Variants in NR1H4 observed in about 807,000 individuals in gnomAD.
NR1H4 encodes nuclear receptor subfamily 1 group H member 4.
Under a neutral mutation model 58.5 loss-of-function variants are expected in NR1H4, and 23 were observed. The observed-to-expected ratio is 0.39, with a 90% CI of 0.28 to 0.56. The LOEUF (loss-of-function observed/expected upper bound fraction) is 0.56, where lower values mean the gene tolerates loss of function less well. Ranked by LOEUF, NR1H4 falls within the 20% of genes least tolerant of loss-of-function variation. The pLI is 0.58. For synonymous variants in NR1H4, 214 were observed against 198.0 expected (o/e 1.08, Z -0.68); for missense variants, 487 against 576.9 (o/e 0.84, Z 1.60).
At chr12:100,527,271 T>C (rs924949064) in intron 4 of NR1H4, among the ~76,000 whole-genome samples, 8 of 152,234 alleles carry the variant, frequency 5.3e-5, no homozygotes, top group African/African-American at 1.9e-4. Context: ...CTCATGCCTG[T>C]AATCCCAACA....
chr12:100,494,981 G>A (rs1361465402), intron 3 of NR1H4, among the ~76,000 whole-genome samples: 1 of 152,136 alleles, frequency 6.6e-6, no homozygotes, highest in Non-Finnish European at 1.5e-5. Flanking sequence ...TTCCTTACAA[G>A]CTAGCCCAAT....
chr12:100,541,668 T>C (rs1202080126), intron 9 of NR1H4, among the ~76,000 whole-genome samples: 2 of 151,922 alleles, frequency 1.3e-5, no homozygotes, highest in Non-Finnish European at 2.9e-5. Flanking sequence ...TGGCATGCTC[T>C]TGGCTCACCA....
At chr12:100,524,221 T>A (rs2136206488) in intron 4 of NR1H4, among the ~76,000 whole-genome samples, 1 of 152,282 alleles carries the variant, frequency 6.6e-6, no homozygotes, top group South Asian at 2.1e-4. Flanking sequence ...GTTATAAATC[T>A]ACACTCAAGA....
At chr12:100,509,659 G>T (rs1954055582) in intron 3 of NR1H4, among the ~76,000 whole-genome samples, 1 of 152,196 alleles carries the variant, frequency 6.6e-6, no homozygotes, top group Non-Finnish European at 1.5e-5. Context: ...CACACAGATT[G>T]TAAGTAACAG....
At chr12:100,486,258 T>C (rs1193544677) in intron 1 of NR1H4, among the ~76,000 whole-genome samples, 1 of 152,234 alleles carries the variant, frequency 6.6e-6, no homozygotes, top group Non-Finnish European at 1.5e-5. Flanking sequence ...TATTTCTGCA[T>C]ATGTAAAACA....
chr12:100,537,330 A>G (rs1204119660), intron 8 of NR1H4, among the ~76,000 whole-genome samples: 2 of 152,244 alleles, frequency 1.3e-5, no homozygotes, highest in Admixed American at 6.5e-5. Flanking sequence ...GACATAAGAT[A>G]TTAGAACTAG....
In NR1H4 at chr12:100,532,549, T is replaced by C; in HGVS notation, c.537T>C (p.Cys179=). The C allele has an allele frequency of 6.2e-7, 1 of 1,614,158 alleles. No individual in the cohort carries two copies. Among genetic ancestry groups the C allele is most frequent in the Non-Finnish European group, 8.5e-7 (1 of 1,180,018 alleles). ...CVMDMYMRRK[C]QECRLRKCKE... is the part of the protein sequence containing the mutation. ...TGGATATGTACATGCGAAGAAAGTG[T>C]CAAGAGTGTCGACTAAGGAAATGCA... Residue 179 remains cysteine (C), a synonymous_variant, in exon 5 of 11, where the codon TGT becomes TGC. Transcript: ENST00000392986.
chr12:100,531,649 G>C (rs890147035), intron 4 of NR1H4, among the ~76,000 whole-genome samples: 1 of 152,152 alleles, frequency 6.6e-6, no homozygotes, highest in Admixed American at 6.5e-5. Context: ...ATTCAACACT[G>C]CCTCCTTGAC....
rs747532090 is a variant in NR1H4 at position 100,511,023 on chromosome 12, A to G, written c.325A>G (p.Thr109Ala). The change falls in exon 4 of 11, where the codon ACA becomes GCA. Residue 109 changes from threonine (T) to alanine (A), a missense_variant. By Grantham distance (58) the Thr-to-Ala change is moderately conservative (BLOSUM62 0). Coordinates refer to ENST00000392986, the MANE Select transcript of NR1H4 (RefSeq NM_001206979.2). The stretch of plus-strand genomic sequence containing the variant: ...AACTGAGGTAGCAGAGATGCCTGTA[A>G]CAAAGAAGCCCCGCATGGGCGCGTC... ...GETEVAEMPV[T>A]KKPRMGASAG... The G allele has an allele frequency of 6.2e-7, 1 of 1,614,142 alleles. No individual in the cohort carries two copies. Among genetic ancestry groups the G allele is most frequent in the Non-Finnish European group, 8.5e-7 (1 of 1,180,052 alleles).
intron 9 of NR1H4, among the ~76,000 whole-genome samples, chr12:100,560,637 C>T (rs1054393679): frequency 3.9e-5 from 6 of 152,154 alleles, no homozygotes; most frequent in Admixed American, 3.9e-4. Context: ...GCTGTAACAC[C>T]GCGAGGGTCC....
chr12:100,544,480 T>C (rs1955013208), intron 9 of NR1H4, among the ~76,000 whole-genome samples: 1 of 152,046 alleles, frequency 6.6e-6, no homozygotes, highest in Non-Finnish European at 1.5e-5. Context: ...ACATGTCCCA[T>C]TTTTTTAAAG....
chr12:100,495,470 C>T (rs530847744), intron 3 of NR1H4, among the ~76,000 whole-genome samples: 2 of 152,256 alleles, frequency 1.3e-5, no homozygotes, highest in South Asian at 4.1e-4. Flanking sequence ...TAGTGGCTCA[C>T]ACCTGTAATT....
intron 10 of NR1H4, among the ~76,000 whole-genome samples, chr12:100,562,865 A>G (rs564397015): frequency 6.6e-6 from 1 of 152,342 alleles, no homozygotes; most frequent in Admixed American, 6.5e-5. Context: ...ACTTTGCTTT[A>G]CCATAAAAAT....
At chr12:100,498,612 CA>C (rs549604892) in intron 3 of NR1H4, among the ~76,000 whole-genome samples, 13 of 136,848 alleles carry the variant, frequency 9.5e-5, no homozygotes, top group South Asian at 2.3e-4. Context: ...CCTCAGTCTC[CA>C]AAAAAAAAAC....
chr12:100,541,508 T>G (rs1954934579), intron 9 of NR1H4, among the ~76,000 whole-genome samples: 1 of 152,006 alleles, frequency 6.6e-6, no homozygotes, highest in South Asian at 2.1e-4. Context: ...TCTCAAACTC[T>G]TGGTCTCAAG....
At chr12:100,497,417 C>T (rs766018412) in intron 3 of NR1H4, among the ~76,000 whole-genome samples, 23 of 152,160 alleles carry the variant, frequency 1.5e-4, no homozygotes, top group East Asian at 5.8e-4. Flanking sequence ...AGATCAGAGA[C>T]GGGCTGAAGG....
At chr12:100,561,444 G>T (rs1404318904) in intron 9 of NR1H4, among the ~76,000 whole-genome samples, 1 of 152,124 alleles carries the variant, frequency 6.6e-6, no homozygotes, top group Non-Finnish European at 1.5e-5. Flanking sequence ...GGCCCATTTA[G>T]AAATGAAGCT....
At chr12:100,488,868 T>C (rs887222722) in intron 1 of NR1H4, among the ~76,000 whole-genome samples, 1 of 152,174 alleles carries the variant, frequency 6.6e-6, no homozygotes, top group African/African-American at 2.4e-5. Flanking sequence ...TGAAAGACAT[T>C]AGATGTCAAC....
At chr12:100,476,644 TAGAA>T (rs905150126) in intron 1 of NR1H4, among the ~76,000 whole-genome samples, 10 of 152,190 alleles carry the variant, frequency 6.6e-5, no homozygotes, top group Admixed American at 6.6e-4. Context: ...CTTTACTTCA[TAGAA>T]AGAGATTTCC....
Sources: gnomAD v4.1 joint callset for allele counts (sites outside exome capture counted in the v4.1 genomes callset) on GRCh38, gnomAD v4.1.1 for gene constraint, MANE v1.5 for transcripts, NCBI Gene and HGNC (gene_info 2026-07-23, HGNC 2026-07-21) for gene names.